VAV2: variants seen among roughly 807,000 people sequenced by gnomAD.
VAV2 encodes vav guanine nucleotide exchange factor 2.
A neutral mutation model predicts 132.5 loss-of-function variants in VAV2; 67 were observed. The observed-to-expected ratio is 0.51, with a 90% CI of 0.42 to 0.62. The LOEUF is 0.62. Among genes scored for constraint, VAV2 ranks in the 20% least tolerant of loss-of-function variants. VAV2 has a pLI of 0.00. For missense variants in VAV2, 938 were observed against 1,153.6 expected (o/e 0.81, Z 2.71); for synonymous variants, 492 against 443.5 (o/e 1.11, Z -1.37).
At chr9:133,889,449 C>T (rs1325893376) in intron 2 of VAV2, among the ~76,000 whole-genome samples, 6 of 152,082 alleles carry the variant, frequency 3.9e-5, no homozygotes, top group Non-Finnish European at 2.9e-5. Flanking sequence ...CTGCGGTCCT[C>T]GGTTCCCTTC....
Position 133,763,842 on chromosome 9 carries a change from C to A in VAV2, c.*220G>T. ...CTCTGGGTGGGGCTAGCCCAGGTTT[C>A]CTCTATGTACAATAGCATACCCAGT... On this transcript the variant is annotated 3_prime_UTR_variant, in exon 30 of 30. Transcript: ENST00000371850. The surrounding 1 kb of genome is among the most constrained non-coding windows in gnomAD (Gnocchi z 6.8). 1.7e-6 allele frequency: 1 copy of A among 580,238 alleles called. No individual in the cohort carries two copies. Among genetic ancestry groups the A allele is most frequent in the Non-Finnish European group, 3.0e-6 (1 of 328,182 alleles). 35.9% of individuals were successfully genotyped at this position (580,238 alleles called of 1,614,324 possible). A position where few individuals can be genotyped will look rare whatever the true frequency, so the allele number is the denominator to read the frequency against.
In VAV2 at chr9:133,791,847, T is replaced by C; in HGVS notation, c.1124A>G (p.Glu375Gly). The change falls in exon 13 of 30, where the codon GAA (glutamate) becomes GGA (glycine). Residue 375 changes from glutamate (E) to glycine (G), a missense_variant. Coordinates refer to ENST00000371850, the MANE Select transcript of VAV2 (RefSeq NM_001134398.2). ...AMQDLAMYIN[E>G]VKRDKETLRK... ...CAAGGTCTCCTTGTCCCGTTTAACT[T>C]CATTGATGTACATCGCCAAGTCCTT... 6.2e-7 allele frequency: 1 copy of C among 1,610,962 alleles called. No individual in the cohort carries two copies. The highest frequency in any genetic ancestry group is 8.5e-7 in the Non-Finnish European group (1 of 1,179,052).
chr9:133,844,895 G>C (rs1836869926), intron 3 of VAV2, among the ~76,000 whole-genome samples: 1 of 152,256 alleles, frequency 6.6e-6, no homozygotes. Context: ...CGGTGCCCAT[G>C]AGGGCCCCAG....
intron 7 of VAV2, among the ~76,000 whole-genome samples, chr9:133,807,664 G>T (rs1447493058): frequency 6.6e-6 from 1 of 152,180 alleles, no homozygotes; most frequent in African/African-American, 2.4e-5. Context: ...CAGGAGGCAG[G>T]GCCATCACCC....
intron 2 of VAV2, among the ~76,000 whole-genome samples, chr9:133,932,342 C>T (rs548191670): frequency 2.5e-4 from 38 of 152,344 alleles, no homozygotes; most frequent in African/African-American, 9.1e-4. Flanking sequence ...TCACCCTTCA[C>T]GCTCGGCCAT....
Position 133,788,243 on chromosome 9 carries a change from C to CCCCCCCAA in VAV2, c.1407+110_1407+111insTTGGGGGG. ...AGACGCCCACCCCAACCCACCCGGC[C>CCCCCCCAA]AGCATCAGCGGCTGACTTCGAGTCC... is the stretch of plus-strand genomic sequence containing the variant. On this transcript the variant is annotated intron_variant, in intron 15 of 29. Transcript: ENST00000371850. The surrounding 1 kb of genome is among the most constrained non-coding windows in gnomAD (Gnocchi z 5.3). The CCCCCCCAA allele has an allele frequency of 5.3e-6, 7 of 1,310,476 alleles. No homozygotes were observed. Among genetic ancestry groups the CCCCCCCAA allele is most frequent in the South Asian group, 1.3e-5 (1 of 74,392 alleles). 81.2% of individuals were successfully genotyped at this position (1,310,476 alleles called of 1,614,324 possible). A position where few individuals can be genotyped will look rare whatever the true frequency, so the allele number is the denominator to read the frequency against.
At position 133,918,807 on chromosome 9, in the gene VAV2, G is replaced by A. The variant is rs193005353; in HGVS notation, c.321+20296C>T. Among the ~76,000 whole-genome samples, 1 of 151,972 alleles carries A rather than the reference G, an allele frequency of 6.6e-6. No individual in the cohort carries two copies. On this transcript the variant is annotated intron_variant, in intron 2 of 29. Coordinates refer to ENST00000371850, the MANE Select transcript of VAV2 (RefSeq NM_001134398.2). The surrounding 1 kb of genome is among the most constrained non-coding windows in gnomAD (Gnocchi z 4.7). ...TTTGTTTGTTTTGAGACAGAGTCTT[G>A]TTCTGTCGCCCAGGCTGAAGTGCAG...
chr9:133,765,355 C>G (rs903329324), intron 29 of VAV2, among the ~76,000 whole-genome samples: 6 of 152,170 alleles, frequency 3.9e-5, no homozygotes, highest in Non-Finnish European at 7.3e-5. Context: ...GTTAATGTCA[C>G]AAATAATGAG....
rs189738238 is a variant in VAV2, at chr9:133,932,039, G to A, written c.321+7064C>T. ...CAATGAGATCAGAGTCCCTACGGTC[G>A]GAACTATCATGATCTGCAGAGTCCA... On this transcript the variant is annotated intron_variant, in intron 2 of 29. Coordinates refer to ENST00000371850, the MANE Select transcript of VAV2 (RefSeq NM_001134398.2). 2.1e-3 allele frequency among the ~76,000 whole-genome samples: 322 copies of A among 152,300 alleles called. 3 individuals carry two copies. The highest frequency in any genetic ancestry group is 7.8e-4 in the Non-Finnish European group (53 of 68,032).
chr9:133,940,686 T>TGC (rs146832734), intron 1 of VAV2, among the ~76,000 whole-genome samples: 50,212 of 149,682 alleles, frequency 0.34, 9,101 homozygotes, highest in Non-Finnish European at 0.4. Flanking sequence ...TGTGTGTGTG[T>TGC]GTGTGTGTGT....
At chr9:133,777,931 C>T (rs765444448) in intron 22 of VAV2, among the ~76,000 whole-genome samples, 23 of 152,290 alleles carry the variant, frequency 1.5e-4, no homozygotes, top group Admixed American at 5.9e-4. Context: ...TGTCAGCTCC[C>T]GCGGGAAGCT....
At chr9:133,989,622 T>A (rs1588236772) in intron 1 of VAV2, among the ~76,000 whole-genome samples, 1 of 150,316 alleles carries the variant, frequency 6.7e-6, no homozygotes, top group African/African-American at 2.5e-5. Context: ...GAGGTGGAGG[T>A]TGCAGTGAGC....
chr9:133,925,197 T>C (rs933652339), intron 2 of VAV2, among the ~76,000 whole-genome samples: 5 of 152,232 alleles, frequency 3.3e-5, no homozygotes, highest in Admixed American at 6.5e-5. Context: ...GTAACTCTTA[T>C]GTTATTTTAT....
chr9:133,909,183 T>C (rs888827526), intron 2 of VAV2, among the ~76,000 whole-genome samples: 20 of 151,792 alleles, frequency 1.3e-4, no homozygotes, highest in African/African-American at 4.8e-4. Context: ...TTCCGAGAAC[T>C]GTCTCCCGGT....
chr9:133,991,927 ACCCT>A lies in VAV2; in HGVS notation c.204+144_204+147del. 1 of 548,712 alleles carries A rather than the reference ACCCT, an allele frequency of 1.8e-6. No homozygotes were observed. Among genetic ancestry groups the A allele is most frequent in the Non-Finnish European group, 2.4e-6 (1 of 416,584 alleles). The allele number at this position is 548,712 out of a possible 1,614,324, so 34.0% of individuals were successfully genotyped here. ...GTCGCGTCTCGGAGGCCCGGGGCGCACCCTCCAGCCGCCCGCCCGCGTCCCGGAG... is the reference window on the plus strand; with the variant it reads ...GTCGCGTCTCGGAGGCCCGGGGCGCACCAGCCGCCCGCCCGCGTCCCGGAG... On this transcript the variant is annotated intron_variant, in intron 1 of 29. Coordinates refer to ENST00000371850, the MANE Select transcript of VAV2 (RefSeq NM_001134398.2). This position sits in a 1 kb window ranked among gnomAD's most constrained non-coding sequence, Gnocchi z 4.8.
Position 133,912,778 on chromosome 9 carries a change from G to A in VAV2, c.321+26325C>T, listed in dbSNP as rs983131378. Among the ~76,000 whole-genome samples, 1 of 152,128 alleles carries A rather than the reference G, an allele frequency of 6.6e-6. No individual in the cohort carries two copies. Among genetic ancestry groups the A allele is most frequent in the African/African-American group, 2.4e-5 (1 of 41,414 alleles). ...CACTAAGCTAATAAGTACTTGTTCA[G>A]CCCCTCTAAAATCACAATCGTCCTG... On this transcript the variant is annotated intron_variant, in intron 2 of 29. Coordinates refer to ENST00000371850, the MANE Select transcript of VAV2 (RefSeq NM_001134398.2). The surrounding 1 kb of genome is among the most constrained non-coding windows in gnomAD (Gnocchi z 4.3).
chr9:133,860,637 G>A (rs1286256277), intron 3 of VAV2, among the ~76,000 whole-genome samples: 1 of 152,080 alleles, frequency 6.6e-6, no homozygotes, highest in Admixed American at 6.5e-5. Context: ...CTGCTCTCAG[G>A]CCAGGCTCTC....
chr9:133,774,347 G>T (rs1263353037), intron 25 of VAV2, among the ~76,000 whole-genome samples: 1 of 152,200 alleles, frequency 6.6e-6, no homozygotes, highest in Non-Finnish European at 1.5e-5. Context: ...GGCTTTCTGA[G>T]AATTTCTTTC....
rs1316214125 is a variant in VAV2, at chr9:133,879,956, T to C, written c.322-18524A>G. On this transcript the variant is annotated intron_variant, in intron 2 of 29. Transcript: ENST00000371850. This position sits in a 1 kb window ranked among gnomAD's most constrained non-coding sequence, Gnocchi z 4.4. Reference sequence around the variant, plus strand: ...CCAAAATGGCCACTTTATGGATTTTTCTTTTCCTGTCTAAGGGTAGGATTC... The same window carrying C: ...CCAAAATGGCCACTTTATGGATTTTCCTTTTCCTGTCTAAGGGTAGGATTC... Among the ~76,000 whole-genome samples the C allele has an allele frequency of 1.3e-5, 2 of 152,270 alleles. No homozygotes were observed. The highest frequency in any genetic ancestry group is 1.3e-4 in the Admixed American group (2 of 15,294).
Sources: gnomAD v4.1 joint callset for allele counts (sites outside exome capture counted in the v4.1 genomes callset) on GRCh38, gnomAD v4.1.1 for gene constraint, Gnocchi (gnomAD v3.1) non-coding constraint, MANE v1.5 for transcripts, NCBI Gene and HGNC (gene_info 2026-07-23, HGNC 2026-07-21) for gene names.